The following SPMIP2 variants were observed in gnomAD, a reference collection of about 807,000 sequenced individuals.
SPMIP2 encodes the protein protein SPMIP2.
chr4:159,071,855 A>G, the SPMIP2 span, among the ~76,000 whole-genome samples: 2 of 152,228 alleles, frequency 1.3e-5, no homozygotes, highest in Non-Finnish European at 2.9e-5. Flanking sequence ...CTGCTTTCCC[A>G]CAAAAACAAC....
the SPMIP2 span, among the ~76,000 whole-genome samples, chr4:159,053,791 T>G: frequency 6.6e-6 from 1 of 151,980 alleles, no homozygotes; most frequent in Non-Finnish European, 1.5e-5. Context: ...TTTCCTTCAA[T>G]TAGAAACAAA....
chr4:158,971,654 T>C, the SPMIP2 span, among the ~76,000 whole-genome samples: 2 of 152,170 alleles, frequency 1.3e-5, no homozygotes, highest in Non-Finnish European at 2.9e-5. Flanking sequence ...CCTCACAACA[T>C]AACAATATGA....
At chr4:158,982,581 G>A in the SPMIP2 span, among the ~76,000 whole-genome samples, 35 of 152,168 alleles carry the variant, frequency 2.3e-4, no homozygotes, top group East Asian at 4.8e-3. Flanking sequence ...ACTCAAAACC[G>A]CACAACTACC....
the SPMIP2 span, among the ~76,000 whole-genome samples, chr4:159,040,940 A>T: frequency 1.3e-5 from 2 of 152,228 alleles, no homozygotes; most frequent in Non-Finnish European, 2.9e-5. Context: ...TAATGGATGT[A>T]AAGTGCTTGC....
the SPMIP2 span, among the ~76,000 whole-genome samples, chr4:158,995,859 A>C: frequency 6.7e-6 from 1 of 148,738 alleles, no homozygotes; most frequent in Non-Finnish European, 1.5e-5. Context: ...CCATCTCAAA[A>C]AAAAAAAAAA....
chr4:159,044,033 C>G, the SPMIP2 span, among the ~76,000 whole-genome samples: 1 of 152,140 alleles, frequency 6.6e-6, no homozygotes, highest in Non-Finnish European at 1.5e-5. Flanking sequence ...GAAAATACTC[C>G]ACTTTGAAAA....
chr4:159,013,469 G>T, the SPMIP2 span, among the ~76,000 whole-genome samples: 1 of 152,172 alleles, frequency 6.6e-6, no homozygotes, highest in Admixed American at 6.5e-5. Context: ...TGCTGTTAGG[G>T]TTGGTGACTG....
chr4:158,945,373 G>A, the SPMIP2 span, among the ~76,000 whole-genome samples: 1 of 152,148 alleles, frequency 6.6e-6, no homozygotes, highest in African/African-American at 2.4e-5. Context: ...CCTACACGAG[G>A]AGCAGTTTGA....
At chr4:158,928,548 G>A in the SPMIP2 span, among the ~76,000 whole-genome samples, 10 of 152,192 alleles carry the variant, frequency 6.6e-5, no homozygotes, top group South Asian at 1.9e-3. Context: ...GATTGTAAAC[G>A]CACCAATCAG....
chr4:158,973,095 C>T, the SPMIP2 span: 3 of 1,587,042 alleles, frequency 1.9e-6, no homozygotes, highest in Non-Finnish European at 2.6e-6. Flanking sequence ...ATGAAAGCCA[C>T]TCCCCAGTCT....
the SPMIP2 span, among the ~76,000 whole-genome samples, chr4:159,022,166 T>C: frequency 6.6e-6 from 1 of 152,162 alleles, no homozygotes; most frequent in Non-Finnish European, 1.5e-5. Flanking sequence ...TTCCTTGCAA[T>C]GAACACAGAA....
chr4:158,904,376 G>A, the SPMIP2 span: 2 of 1,191,600 alleles, frequency 1.7e-6, no homozygotes, highest in Non-Finnish European at 1.2e-6. Context: ...TTAGTACCTA[G>A]AAATAATACT....
At chr4:159,038,236 G>A in the SPMIP2 span, among the ~76,000 whole-genome samples, 6 of 152,234 alleles carry the variant, frequency 3.9e-5, no homozygotes, top group South Asian at 8.3e-4. Flanking sequence ...CCACCATCAT[G>A]GTTATGCCAT....
chr4:158,993,015 C>G, the SPMIP2 span, among the ~76,000 whole-genome samples: 6 of 152,134 alleles, frequency 3.9e-5, no homozygotes, highest in East Asian at 1.2e-3. Flanking sequence ...CTTTGCAACC[C>G]AAGTATGTGT....
chr4:159,025,735 A>G, the SPMIP2 span, among the ~76,000 whole-genome samples: 1 of 152,334 alleles, frequency 6.6e-6, no homozygotes, highest in East Asian at 1.9e-4. Context: ...TATTAAATTC[A>G]TATTATTTAC....
At chr4:159,047,200 T>C in the SPMIP2 span, among the ~76,000 whole-genome samples, 1 of 152,218 alleles carries the variant, frequency 6.6e-6, no homozygotes. Flanking sequence ...CATTTTATAG[T>C]TTTTAAAAAA....
chr4:158,911,025 G>T, the SPMIP2 span, among the ~76,000 whole-genome samples: 2 of 152,182 alleles, frequency 1.3e-5, no homozygotes, highest in Admixed American at 1.3e-4. Context: ...CAAGTTACAG[G>T]AAGTAGGCTT....
chr4:159,074,452 T>C, the SPMIP2 span, among the ~76,000 whole-genome samples: 1 of 152,134 alleles, frequency 6.6e-6, no homozygotes, highest in Non-Finnish European at 1.5e-5. Flanking sequence ...AGATGAGGTA[T>C]GGCCACAGAG....
chr4:158,994,644 G>A, the SPMIP2 span, among the ~76,000 whole-genome samples: 3 of 152,280 alleles, frequency 2.0e-5, no homozygotes, highest in Non-Finnish European at 4.4e-5. Context: ...TTGATAATCT[G>A]TTGACACTAG....
Sources: gnomAD v4.1 joint callset for allele counts (sites outside exome capture counted in the v4.1 genomes callset) on GRCh38, gnomAD v4.1.1 for gene constraint, MANE v1.5 for transcripts, NCBI Gene and HGNC (gene_info 2026-07-23, HGNC 2026-07-21) for gene names.